Variants in CHD3 observed in about 807,000 individuals in gnomAD.
CHD3 encodes the protein ATP-dependent chromatin remodeler CHD3.
Under a neutral mutation model 248.9 loss-of-function variants are expected in CHD3, and 52 were observed. The observed-to-expected ratio is 0.21, with a 90% CI of 0.17 to 0.26. CHD3 has a LOEUF of 0.26. CHD3 is among the 10% of genes least tolerant of loss of function. CHD3 has a pLI of 1.00. For missense variants in CHD3, 1,482 were observed against 2,605.8 expected (o/e 0.57, Z 9.39); for synonymous variants, 985 against 985.2 (o/e 1.00, Z 0.00).
chr17:7,904,323 G>A lies in CHD3; in HGVS notation c.3895-119G>A, dbSNP rs1422597364. On this transcript the variant is annotated intron_variant, in intron 24 of 39. Coordinates refer to ENST00000330494, the MANE Select transcript of CHD3 (RefSeq NM_001005273.3). The surrounding 1 kb of genome is among the most constrained non-coding windows in gnomAD (Gnocchi z 4.4). ...GTCCAGAAAATGTATGCAGAGCCAC[G>A]AAGCTGCAGGAGTGGGGAGACCGGA... 8 of 897,146 alleles carry A rather than the reference G, an allele frequency of 8.9e-6. No individual in the cohort carries two copies. In the Middle Eastern group the frequency reaches 1.1e-3, roughly 118 times the overall value. The allele number at this position is 897,146 out of a possible 1,614,324, so 55.6% of individuals were successfully genotyped here.
chr17:7,885,845 C>T (rs1296046223), upstream of CHD3, among the ~76,000 whole-genome samples: 1 of 152,214 alleles, frequency 6.6e-6, no homozygotes, highest in African/African-American at 2.4e-5. Context: ...TCCACGCAGA[C>T]CACTTCCTGG....
chr17:7,896,186 T>G (rs1376480453), intron 10 of CHD3, among the ~76,000 whole-genome samples: 1 of 133,640 alleles, frequency 7.5e-6, no homozygotes, highest in Non-Finnish European at 1.5e-5. Context: ...CAAGATCGTG[T>G]CCCTGCACTT....
rs1417621259 is a variant in CHD3, at chr17:7,904,550, C to T, written c.4003C>T (p.Arg1335Trp). The change falls in exon 25 of 40, where the codon CGG (arginine) becomes TGG (tryptophan). Residue 1335 changes from arginine (R) to tryptophan (W), a missense_variant. This residue lies in a region of CHD3 where 156 missense variants were observed against 420.3 expected (regional missense o/e 0.37). Coordinates refer to ENST00000330494, the MANE Select transcript of CHD3 (RefSeq NM_001005273.3). The surrounding 1 kb of genome is among the most constrained non-coding windows in gnomAD (Gnocchi z 4.4). ...TGAGCAACAGCAGGAAGACCTAGCC[C>T]GGAATCTAGGCAAGGGCAAGCGGGT... ...HYEQQQEDLA[R>W]NLGKGKRVRK... The T allele has an allele frequency of 1.2e-6, 2 of 1,613,948 alleles. No individual in the cohort carries two copies. Among genetic ancestry groups the T allele is most frequent in the Non-Finnish European group, 1.7e-6 (2 of 1,180,030 alleles).
At position 7,909,522 on chromosome 17, in the gene CHD3, A is replaced by G; in HGVS notation, c.5590+184A>G. On this transcript the variant is annotated intron_variant, in intron 37 of 39. Coordinates refer to ENST00000330494, the MANE Select transcript of CHD3 (RefSeq NM_001005273.3). The surrounding 1 kb of genome is among the most constrained non-coding windows in gnomAD (Gnocchi z 8.1). ...GATTTTAGCCTCTAGGACTTGTGCA[A>G]GCCAACCCTCATCCATGTCTGATAG... 1 of 830,454 alleles carries G rather than the reference A, an allele frequency of 1.2e-6. No individual in the cohort carries two copies. The highest frequency in any genetic ancestry group is 1.8e-6 in the Non-Finnish European group (1 of 555,658). The allele number at this position is 830,454 out of a possible 1,614,324, so 51.4% of individuals were successfully genotyped here. A position where few individuals can be genotyped will look rare whatever the true frequency, so the allele number is the denominator to read the frequency against.
Position 7,900,794 on chromosome 17 carries a change from A to T in CHD3, c.2979-58A>T. 1.9e-6 allele frequency: 3 copies of T among 1,610,676 alleles called. No individual in the cohort carries two copies. Among genetic ancestry groups the T allele is most frequent in the Non-Finnish European group, 2.5e-6 (3 of 1,177,350 alleles). The stretch of plus-strand genomic sequence containing the variant: ...GGATTGATGGGAGCGTTCCAAGTGC[A>T]ATATCATAATTGCTTCCTTTATTTA... On this transcript the variant is annotated intron_variant, in intron 18 of 39. Coordinates refer to ENST00000330494, the MANE Select transcript of CHD3 (RefSeq NM_001005273.3). This position sits in a 1 kb window ranked among gnomAD's most constrained non-coding sequence, Gnocchi z 6.5.
rs1969535273 is a variant in CHD3 at position 7,895,659 on chromosome 17, T to A, written c.1707+117T>A. The A allele has an allele frequency of 1.1e-6, 1 of 886,468 alleles. No individual in the cohort carries two copies. The highest frequency in any genetic ancestry group is 1.8e-6 in the Non-Finnish European group (1 of 563,268). The allele number at this position is 886,468 out of a possible 1,614,324, so 54.9% of individuals were successfully genotyped here. On this transcript the variant is annotated intron_variant, in intron 10 of 39. Coordinates refer to ENST00000330494, the MANE Select transcript of CHD3 (RefSeq NM_001005273.3). This position sits in a 1 kb window ranked among gnomAD's most constrained non-coding sequence, Gnocchi z 4.9. ...TCTTTGTTTTCTCTCATTTCAGGCC[T>A]GTGGCCTTCATACCCTACTTGCTTA...
At position 7,909,288 on chromosome 17, in the gene CHD3, C is replaced by T. The variant is rs867361811; in HGVS notation, c.5540C>T (p.Ser1847Phe). ...CTGGCCGAGAGCCACCAGCACCTCT[C>T]CAAGGAGTCGCTGGCGGGGAACAAG... ...ECLAESHQHL[S>F]KESLAGNKPA... The change falls in exon 37 of 40, where the codon TCC becomes TTC. Residue 1847 changes from serine to phenylalanine, a missense_variant. Transcript: ENST00000330494. The surrounding 1 kb of genome is among the most constrained non-coding windows in gnomAD (Gnocchi z 8.1). 1.3e-6 allele frequency: 2 copies of T among 1,562,368 alleles called. No individual in the cohort carries two copies. The highest frequency in any genetic ancestry group is 2.4e-5 in the East Asian group (1 of 41,714).
At position 7,909,838 on chromosome 17, in the gene CHD3, C is replaced by A; in HGVS notation, c.5590+500C>A. Reference sequence around the variant, plus strand: ...TTCGACCTTTCCTCCTACCCCCTCTCACCTTGCCATTGATAGAGATTATAT... The same window carrying A: ...TTCGACCTTTCCTCCTACCCCCTCTAACCTTGCCATTGATAGAGATTATAT... On this transcript the variant is annotated intron_variant, in intron 37 of 39. Coordinates refer to ENST00000330494, the MANE Select transcript of CHD3 (RefSeq NM_001005273.3). This position sits in a 1 kb window ranked among gnomAD's most constrained non-coding sequence, Gnocchi z 8.1. 1 of 182,174 alleles carries A rather than the reference C, an allele frequency of 5.5e-6. No homozygotes were observed. The highest frequency in any genetic ancestry group is 1.2e-5 in the Non-Finnish European group (1 of 86,816). 11.3% of individuals were successfully genotyped at this position (182,174 alleles called of 1,614,324 possible). A position where few individuals can be genotyped will look rare whatever the true frequency, so the allele number is the denominator to read the frequency against.
At position 7,904,888 on chromosome 17, in the gene CHD3, C is replaced by T. The variant is rs565697052; in HGVS notation, c.4073-212C>T. Among the ~76,000 whole-genome samples, 1 of 152,134 alleles carries T rather than the reference C, an allele frequency of 6.6e-6. No homozygotes were observed. The highest frequency in any genetic ancestry group is 6.5e-5 in the Admixed American group (1 of 15,280). On this transcript the variant is annotated intron_variant, in intron 25 of 39. Transcript: ENST00000330494. The surrounding 1 kb of genome is among the most constrained non-coding windows in gnomAD (Gnocchi z 4.4). Reference sequence around the variant, plus strand: ...AGGTTTTGCAGGAGAAGCAGAGGGGCCCAGAGACTGAAGGTGGGCGGTGAA... The same window carrying T: ...AGGTTTTGCAGGAGAAGCAGAGGGGTCCAGAGACTGAAGGTGGGCGGTGAA...
rs1224312318 is a variant in CHD3, at chr17:7,889,593, G to C, written c.101-71G>C. ...GAGTGGGAACTGCCGAGGTGGGGAAGGGGCAAGTTGAGGGGCCTCAGAGGC... is the reference window on the plus strand; with the variant it reads ...GAGTGGGAACTGCCGAGGTGGGGAACGGGCAAGTTGAGGGGCCTCAGAGGC... On this transcript the variant is annotated intron_variant, in intron 1 of 39. Transcript: ENST00000330494. The surrounding 1 kb of genome is among the most constrained non-coding windows in gnomAD (Gnocchi z 4.5). The C allele has an allele frequency of 1.5e-6, 2 of 1,326,264 alleles. No individual in the cohort carries two copies. The highest frequency in any genetic ancestry group is 2.5e-5 in the East Asian group (1 of 40,126). 82.2% of individuals were successfully genotyped at this position (1,326,264 alleles called of 1,614,324 possible).
rs369604836 is a variant in CHD3 at position 7,910,907 on chromosome 17, C to T, written c.5815C>T (p.Pro1939Ser). 90 of 1,613,518 alleles carry T rather than the reference C, an allele frequency of 5.6e-5. No homozygotes were observed. The highest frequency in any genetic ancestry group is 7.5e-5 in the Non-Finnish European group (88 of 1,179,854). ...PGYGAAFSAA[P>S]VGALAAAGAN... ...GTACGGGGCGGCCTTCAGCGCCGCA[C>T]CCGTAGGGGCCCTGGCCGCCGCAGG... is the stretch of plus-strand genomic sequence containing the variant. The change falls in exon 39 of 40, where the codon CCC (proline) becomes TCC (serine). Residue 1939 changes from proline to serine, a missense_variant. Physicochemically the swap from Pro to Ser is moderately conservative, Grantham distance 74 (BLOSUM62 -1). Around this residue, in one of 20 missense-constraint regions of CHD3, gnomAD observed 117 missense variants for 137.2 expected, o/e 0.85. Transcript: ENST00000330494. This position sits in a 1 kb window ranked among gnomAD's most constrained non-coding sequence, Gnocchi z 4.7.
Position 7,910,811 on chromosome 17 carries a change from GAA to G in CHD3, c.5755-35_5755-34del. On this transcript the variant is annotated intron_variant, in intron 38 of 39. Transcript: ENST00000330494. This position sits in a 1 kb window ranked among gnomAD's most constrained non-coding sequence, Gnocchi z 4.7. ...CAGCTTCTTTCCTCTCACAGACTAT[GAA>G]CTAACTCCAACTTCTGCTTCCTCTC... 1.3e-5 allele frequency: 20 copies of G among 1,582,784 alleles called. No individual in the cohort carries two copies. Among genetic ancestry groups the G allele is most frequent in the Non-Finnish European group, 1.7e-5 (20 of 1,168,318 alleles).
Position 7,910,801 on chromosome 17 carries a change from C to A in CHD3, c.5755-46C>A. 1 of 1,575,590 alleles carries A rather than the reference C, an allele frequency of 6.3e-7. No homozygotes were observed. The highest frequency in any genetic ancestry group is 1.2e-5 in the South Asian group (1 of 86,036). Reference sequence around the variant, plus strand: ...GTCTCTCCTACAGCTTCTTTCCTCTCACAGACTATGAACTAACTCCAACTT... The same window carrying A: ...GTCTCTCCTACAGCTTCTTTCCTCTAACAGACTATGAACTAACTCCAACTT... On this transcript the variant is annotated intron_variant, in intron 38 of 39. Transcript: ENST00000330494. The surrounding 1 kb of genome is among the most constrained non-coding windows in gnomAD (Gnocchi z 4.7).
Position 7,911,377 on chromosome 17 carries a change from A to T in CHD3, c.5882-87A>T. Reference sequence around the variant, plus strand: ...GGACAACGGGAAGTGGCAGGAGGTGACCTAGAAGTGAGAATTCACCATTGT... The same window carrying T: ...GGACAACGGGAAGTGGCAGGAGGTGTCCTAGAAGTGAGAATTCACCATTGT... On this transcript the variant is annotated intron_variant, in intron 39 of 39. Coordinates refer to ENST00000330494, the MANE Select transcript of CHD3 (RefSeq NM_001005273.3). The surrounding 1 kb of genome is among the most constrained non-coding windows in gnomAD (Gnocchi z 5.4). The T allele has an allele frequency of 5.0e-6, 8 of 1,601,760 alleles. No homozygotes were observed. The highest frequency in any genetic ancestry group is 6.8e-6 in the Non-Finnish European group (8 of 1,171,884).
chr17:7,911,971 A>G lies in CHD3; in HGVS notation c.*386A>G, dbSNP rs1971718492. 8.8e-6 allele frequency: 3 copies of G among 341,712 alleles called. No homozygotes were observed. The highest frequency in any genetic ancestry group is 1.7e-5 in the Non-Finnish European group (3 of 178,042). The allele number at this position is 341,712 out of a possible 1,614,324, so 21.2% of individuals were successfully genotyped here. ...TCAGCTCTGTCTCATGTGGAAGTGG[A>G]GAATCAGCCTTGCCTGGCCTTTAGG... On this transcript the variant is annotated 3_prime_UTR_variant, in exon 40 of 40. Transcript: ENST00000330494. The surrounding 1 kb of genome is among the most constrained non-coding windows in gnomAD (Gnocchi z 5.4).
rs1398755448 is a variant in CHD3 at position 7,889,308 on chromosome 17, G to T, written c.100+208G>T. On this transcript the variant is annotated intron_variant, in intron 1 of 39. Coordinates refer to ENST00000330494, the MANE Select transcript of CHD3 (RefSeq NM_001005273.3). This position sits in a 1 kb window ranked among gnomAD's most constrained non-coding sequence, Gnocchi z 4.5. Reference sequence around the variant, plus strand: ...TGGGCATGGCTTCCCCAGTTCCTGGGCAGGATGCCAGCTGGCGAAGTGAGG... The same window carrying T: ...TGGGCATGGCTTCCCCAGTTCCTGGTCAGGATGCCAGCTGGCGAAGTGAGG... Among the ~76,000 whole-genome samples, 1 of 152,262 alleles carries T rather than the reference G, an allele frequency of 6.6e-6. No individual in the cohort carries two copies. The highest frequency in any genetic ancestry group is 1.5e-5 in the Non-Finnish European group (1 of 68,038).
upstream of CHD3, among the ~76,000 whole-genome samples, chr17:7,887,604 G>A (rs1440656343): frequency 6.6e-6 from 1 of 152,176 alleles, no homozygotes; most frequent in African/African-American, 2.4e-5. Context: ...TGTGGGGGAG[G>A]GAGGGGAATT....
chr17:7,900,136 A>T lies in CHD3; in HGVS notation c.2682+103A>T. 1.3e-6 allele frequency: 2 copies of T among 1,514,426 alleles called. No homozygotes were observed. The highest frequency in any genetic ancestry group is 3.9e-5 in the Admixed American group (2 of 51,052). The allele number at this position is 1,514,426 out of a possible 1,614,324, so 93.8% of individuals were successfully genotyped here. Reference sequence around the variant, plus strand: ...TTCTGGGGATTTTCTGTAGTCTGGGAGGACGTCCAGGTTGGAAGAGGGAGA... The same window carrying T: ...TTCTGGGGATTTTCTGTAGTCTGGGTGGACGTCCAGGTTGGAAGAGGGAGA... On this transcript the variant is annotated intron_variant, in intron 16 of 39. Transcript: ENST00000330494. The surrounding 1 kb of genome is among the most constrained non-coding windows in gnomAD (Gnocchi z 6.5).
At chr17:7,896,736 G>A (rs1259765449) in intron 10 of CHD3, among the ~76,000 whole-genome samples, 1 of 151,756 alleles carries the variant, frequency 6.6e-6, no homozygotes, top group Non-Finnish European at 1.5e-5. Flanking sequence ...TTGGCTCGCT[G>A]CAACCTCCGC....
Sources: allele counts gnomAD v4.1 joint callset (sites outside exome capture counted in the v4.1 genomes callset), GRCh38; gene constraint gnomAD v4.1.1; regional missense constraint gnomAD v4.1.1; non-coding constraint Gnocchi (gnomAD v3.1); transcripts MANE v1.5; gene names NCBI Gene and HGNC (gene_info 2026-07-23, HGNC 2026-07-21).